CRYZ: variants seen among roughly 807,000 people sequenced by gnomAD.
CRYZ encodes the protein zeta-crystallin.
A neutral mutation model predicts 34.1 loss-of-function variants in CRYZ; 35 were observed. That is an observed-to-expected ratio of 1.03 (90% CI 0.78 to 1.36). The LOEUF (loss-of-function observed/expected upper bound fraction) is 1.36, where lower values mean the gene tolerates loss of function less well. Ranked by LOEUF, CRYZ falls within the 40% of genes most tolerant of loss-of-function variation. CRYZ has a pLI of 0.00. For missense variants in CRYZ, 403 were observed against 391.8 expected, an observed-to-expected ratio of 1.03 and a Z score of -0.24; for synonymous variants, 137 against 136.5, an observed-to-expected ratio of 1.00 and a Z score of -0.03.
rs371952049 is a variant in CRYZ at position 74,711,148 on chromosome 1, G to A, written c.481-901C>T. Reference sequence around the variant, plus strand: ...GTGTGTCTCAGGGAGGGGCGTGTACGAAAGGGTCGAAGATGAGGCCAGAAA... The same window carrying A: ...GTGTGTCTCAGGGAGGGGCGTGTACAAAAGGGTCGAAGATGAGGCCAGAAA... On this transcript the variant is annotated intron_variant, in intron 5 of 8. Transcript: ENST00000340866. 5.8e-4 allele frequency among the ~76,000 whole-genome samples: 88 copies of A among 152,278 alleles called. 3 individuals carry two copies. In the South Asian group the frequency reaches 0.016, roughly 28 times the overall value.
At chr1:74,723,046 A>C in intron 3 of CRYZ, 72 bp downstream of exon 3, 1 of 1,463,492 alleles carries the variant, frequency 6.8e-7, no homozygotes, top group Non-Finnish European at 9.4e-7. Context: ...AATAAGATGC[A>C]GTTGAAAGCT....
intron 1 of CRYZ, among the ~76,000 whole-genome samples, chr1:74,728,906 G>T (rs778299907): frequency 6.6e-6 from 1 of 152,158 alleles, no homozygotes; most frequent in Non-Finnish European, 1.5e-5. Context: ...CTTTAGAACA[G>T]CTTGGCAGTC....
At chr1:74,728,594 C>T (rs533436106) in intron 1 of CRYZ, among the ~76,000 whole-genome samples, 2 of 152,296 alleles carry the variant, frequency 1.3e-5, no homozygotes, top group South Asian at 4.1e-4. Flanking sequence ...TGTATCAAAA[C>T]TCCACACAGG....
At chr1:74,714,363 T>G (rs1490242022) in intron 5 of CRYZ, among the ~76,000 whole-genome samples, 1 of 152,086 alleles carries the variant, frequency 6.6e-6, no homozygotes. Flanking sequence ...AACATATTTT[T>G]GAAGGGGTGC....
At chr1:74,706,772 C>T (rs1646934726) in intron 8 of CRYZ, 127 bp downstream of exon 8, 1 of 785,706 alleles carries the variant, frequency 1.3e-6, no homozygotes, top group African/African-American at 1.7e-5. Context: ...CTTCTGGTGA[C>T]TAATCCTTAC....
chr1:74,707,183 T>G lies in CRYZ; in HGVS notation c.652A>C (p.Ile218Leu). The change falls in exon 7 of 9, where the codon ATT becomes CTT. Residue 218 changes from isoleucine (I) to leucine (L), a missense_variant. Physicochemically the swap from Ile to Leu is conservative, Grantham distance 5 (BLOSUM62 2). Transcript: ENST00000340866. The part of the protein sequence containing the change: ...KIKKYVGEKG[I>L]DIIIEMLANV... ...GCTAACATTTCAATAATTATATCAA[T>G]TCCTTTCTCACCAACATACTTCTAT... is the stretch of plus-strand genomic sequence containing the variant. 1 of 1,561,686 alleles carries G rather than the reference T, an allele frequency of 6.4e-7. No individual in the cohort carries two copies. Among genetic ancestry groups the G allele is most frequent in the Non-Finnish European group, 8.7e-7 (1 of 1,144,298 alleles).
intron 5 of CRYZ, among the ~76,000 whole-genome samples, chr1:74,711,389 T>C (rs1008334653): frequency 1.3e-5 from 2 of 152,174 alleles, no homozygotes; most frequent in African/African-American, 4.8e-5. Context: ...AGATAAGAGA[T>C]GAAGCTGGCT....
chr1:74,711,272 G>C (rs6702642), intron 5 of CRYZ, among the ~76,000 whole-genome samples: 4,709 of 152,228 alleles, frequency 0.031, 226 homozygotes, highest in African/African-American at 0.1. Flanking sequence ...GAAATGATCT[G>C]GTTGACTCAG....
intron 6 of CRYZ, chr1:74,707,981 T>C (rs924819373): frequency 4.6e-5 from 7 of 152,060 alleles, no homozygotes; most frequent in African/African-American, 1.7e-4. Flanking sequence ...TTGCCTGCCA[T>C]GGTCAGATAA....
chr1:74,714,611 C>T lies in CRYZ; in HGVS notation c.448G>A (p.Glu150Lys), dbSNP rs1215999372. The change falls in exon 5 of 9, where the codon GAG (glutamate) becomes AAG (lysine). Residue 150 changes from glutamate to lysine, a missense_variant. By Grantham distance (56) the Glu-to-Lys change is moderately conservative. Transcript: ENST00000340866. ...LIHSACVKAGESVLVHGASGG... is the reference protein window; with the variant it reads ...LIHSACVKAGKSVLVHGASGG... The stretch of plus-strand genomic sequence containing the variant: ...CTTGCCCCATGAACCAGAACACTCT[C>T]TCCAGCTTTCACACAGGCACTGCAA... 6.2e-7 allele frequency: 1 copy of T among 1,613,798 alleles called. No homozygotes were observed. Among genetic ancestry groups the T allele is most frequent in the Non-Finnish European group, 8.5e-7 (1 of 1,179,796 alleles).
intron 5 of CRYZ, among the ~76,000 whole-genome samples, chr1:74,712,608 GAAAC>G (rs201984198): frequency 0.014 from 2,182 of 152,246 alleles, 54 homozygotes; most frequent in African/African-American, 0.05. Flanking sequence ...TTGTTTAACT[GAAAC>G]AAACAAATAC....
At chr1:74,718,716 A>G (rs1466651958) in intron 4 of CRYZ, among the ~76,000 whole-genome samples, 1 of 152,110 alleles carries the variant, frequency 6.6e-6, no homozygotes, top group African/African-American at 2.4e-5. Flanking sequence ...GGATTAAACT[A>G]TAGACTCTCA....
At chr1:74,707,790 A>G (rs1448431282) in intron 6 of CRYZ, 2 of 152,158 alleles carry the variant, frequency 1.3e-5, no homozygotes. Flanking sequence ...ACACACACAA[A>G]TGAATCCCTG....
intron 1 of CRYZ, among the ~76,000 whole-genome samples, chr1:74,726,119 G>A (rs1215450090): frequency 2.0e-5 from 3 of 152,202 alleles, no homozygotes; most frequent in Admixed American, 1.3e-4. Context: ...TACCATTCTG[G>A]GGTCTGGAGG....
chr1:74,715,746 A>G (rs1188684365), intron 4 of CRYZ, among the ~76,000 whole-genome samples: 2 of 152,152 alleles, frequency 1.3e-5, no homozygotes, highest in Non-Finnish European at 2.9e-5. Flanking sequence ...CTAAAGACAC[A>G]TTCTCATAAA....
At chr1:74,730,128 T>TC (rs139883130) in intron 1 of CRYZ, among the ~76,000 whole-genome samples, 6,508 of 151,704 alleles carry the variant, frequency 0.043, 405 homozygotes, top group African/African-American at 0.14. Flanking sequence ...TCTGTATCTT[T>TC]CCCCCCCCAC....
At chr1:74,732,923 AAAC>A in intron 1 of CRYZ, 30 bp downstream of exon 1, 1 of 305,432 alleles carries the variant, frequency 3.3e-6, no homozygotes. Flanking sequence ...TTCGCTGTCT[AAAC>A]AACTAAGGAG....
chr1:74,715,908 G>GTTTTTTT (rs554351801), intron 4 of CRYZ, among the ~76,000 whole-genome samples: 7 of 135,096 alleles, frequency 5.2e-5, no homozygotes, highest in African/African-American at 1.9e-4. Flanking sequence ...CAGAAACAGT[G>GTTTTTTT]TTTTTTTTTT....
At chr1:74,722,077 A>G (rs1283890585) in intron 3 of CRYZ, among the ~76,000 whole-genome samples, 1 of 152,160 alleles carries the variant, frequency 6.6e-6, no homozygotes, top group Non-Finnish European at 1.5e-5. Context: ...CAACAAAAAG[A>G]GTGTATGAGA....
Sources: gnomAD v4.1 joint callset for allele counts (sites outside exome capture counted in the v4.1 genomes callset) on GRCh38, gnomAD v4.1.1 for gene constraint, MANE v1.5 for transcripts, NCBI Gene and HGNC (gene_info 2026-07-23, HGNC 2026-07-21) for gene names.